ENOX1: variants seen among roughly 807,000 people sequenced by gnomAD.
ENOX1 encodes ecto-NOX disulfide-thiol exchanger 1.
ENOX1 carries 42 observed loss-of-function variants against 82.5 expected under a neutral mutation model. That is an observed-to-expected ratio of 0.51 (90% CI 0.40 to 0.66). The LOEUF is 0.66. ENOX1 is among the 30% of genes least tolerant of loss of function. The pLI is 0.00. For synonymous variants in ENOX1, 271 were observed against 282.2 expected (o/e 0.96, Z 0.40); for missense variants, 608 against 811.6 (o/e 0.75, Z 3.05).
intron 2 of ENOX1, among the ~76,000 whole-genome samples, chr13:43,646,510 A>T (rs527631471): frequency 6.6e-6 from 1 of 152,290 alleles, no homozygotes; most frequent in East Asian, 1.9e-4. Flanking sequence ...CAGCTACTGA[A>T]ATGAAGGAAG....
chr13:43,215,995 G>A (rs2041456277), intron 16 of ENOX1, among the ~76,000 whole-genome samples: 1 of 152,122 alleles, frequency 6.6e-6, no homozygotes. Flanking sequence ...AGGAGATCGA[G>A]GCCATCTTGG....
intron 1 of ENOX1, among the ~76,000 whole-genome samples, chr13:43,758,816 T>C (rs1950799436): frequency 6.6e-6 from 1 of 152,230 alleles, no homozygotes; most frequent in African/African-American, 2.4e-5. Context: ...TACAGTATTC[T>C]TAGTGCATGA....
At chr13:43,655,132 C>G (rs147448766) in intron 2 of ENOX1, among the ~76,000 whole-genome samples, 1 of 152,100 alleles carries the variant, frequency 6.6e-6, no homozygotes, top group Non-Finnish European at 1.5e-5. Context: ...TAATTCCTAC[C>G]GCGCTCCTTA....
At chr13:43,716,100 G>A (rs975508425) in intron 1 of ENOX1, among the ~76,000 whole-genome samples, 10 of 152,216 alleles carry the variant, frequency 6.6e-5, no homozygotes, top group African/African-American at 2.4e-4. Context: ...CGTTGCTGGT[G>A]AGGAGCTGCG....
intron 9 of ENOX1, among the ~76,000 whole-genome samples, chr13:43,339,739 T>C (rs1424137792): frequency 2.6e-5 from 4 of 152,192 alleles, no homozygotes; most frequent in Admixed American, 2.0e-4. Context: ...GGGGCTGCTA[T>C]GGAATAACCA....
In ENOX1 at chr13:43,313,912, C is replaced by A. The variant is rs566927834; in HGVS notation, c.1261+8472G>T. Among the ~76,000 whole-genome samples, 6 of 152,274 alleles carry A rather than the reference C, an allele frequency of 3.9e-5. No individual in the cohort carries two copies. In the South Asian group the frequency reaches 1.2e-3, roughly 32 times the overall value. The stretch of plus-strand genomic sequence containing the variant: ...TGATAATTTAGGTAACTGCTTTGAG[C>A]TGCAATGACCAGCATGCCCCAAGTA... On this transcript the variant is annotated intron_variant, in intron 11 of 16. Coordinates refer to ENST00000690772, the MANE Select transcript of ENOX1 (RefSeq NM_001347969.2).
chr13:43,756,622 T>C (rs544750644), intron 1 of ENOX1, among the ~76,000 whole-genome samples: 4 of 152,190 alleles, frequency 2.6e-5, no homozygotes, highest in South Asian at 4.1e-4. Context: ...GTGTGTCTCA[T>C]TGGACTGGGA....
chr13:43,640,079 A>G (rs1016019360), intron 2 of ENOX1, among the ~76,000 whole-genome samples: 2 of 152,360 alleles, frequency 1.3e-5, no homozygotes, highest in African/African-American at 4.8e-5. Flanking sequence ...ATTATTATAT[A>G]AGAAATACAT....
intron 7 of ENOX1, among the ~76,000 whole-genome samples, chr13:43,357,338 G>A (rs1417944844): frequency 6.6e-6 from 1 of 152,134 alleles, no homozygotes; most frequent in African/African-American, 2.4e-5. Flanking sequence ...TGTAGAGGCT[G>A]GCTCCTCCCC....
chr13:43,221,894 T>G (rs566794754), intron 16 of ENOX1, among the ~76,000 whole-genome samples: 1 of 152,230 alleles, frequency 6.6e-6, no homozygotes, highest in African/African-American at 2.4e-5. Context: ...GCTCTCTGGA[T>G]TAAAAAGTCT....
intron 3 of ENOX1, among the ~76,000 whole-genome samples, chr13:43,430,739 C>T (rs2055605755): frequency 6.6e-6 from 1 of 152,186 alleles, no homozygotes; most frequent in Non-Finnish European, 1.5e-5. Context: ...AAAAACACTA[C>T]AATTTAATAG....
At chr13:43,672,716 G>T (rs1180113169) in intron 1 of ENOX1, among the ~76,000 whole-genome samples, 1 of 152,046 alleles carries the variant, frequency 6.6e-6, no homozygotes, top group African/African-American at 2.4e-5. Context: ...TTAGAGAAAA[G>T]GTAAAATGTT....
intron 11 of ENOX1, among the ~76,000 whole-genome samples, chr13:43,321,772 C>A (rs1488435044): frequency 1.3e-5 from 2 of 152,210 alleles, no homozygotes; most frequent in Non-Finnish European, 2.9e-5. Context: ...TTTTCCCTTG[C>A]CTGTTTTTAC....
At chr13:43,331,186 C>A (rs2048390176) in intron 9 of ENOX1, among the ~76,000 whole-genome samples, 1 of 152,206 alleles carries the variant, frequency 6.6e-6, no homozygotes, top group African/African-American at 2.4e-5. Flanking sequence ...GGCAGGAATG[C>A]ATGGGAGATG....
intron 5 of ENOX1, among the ~76,000 whole-genome samples, chr13:43,397,408 G>A (rs1349721058): frequency 6.6e-6 from 1 of 152,184 alleles, no homozygotes; most frequent in Non-Finnish European, 1.5e-5. Flanking sequence ...CTGTGCATAG[G>A]GTCCCCATGG....
chr13:43,653,591 G>A (rs537248340), intron 2 of ENOX1, among the ~76,000 whole-genome samples: 5 of 145,996 alleles, frequency 3.4e-5, no homozygotes, highest in Non-Finnish European at 7.7e-5. Flanking sequence ...TAACATTAAG[G>A]CTTCAAATTT....
chr13:43,707,758 C>CAAAAAAAA (rs1566805024), intron 1 of ENOX1, among the ~76,000 whole-genome samples: 6 of 40,930 alleles, frequency 1.5e-4, no homozygotes, highest in Non-Finnish European at 2.8e-4. Flanking sequence ...AAAAAAAAAC[C>CAAAAAAAA]AAGAACAAAG....
At chr13:43,700,833 T>C (rs1265570207) in intron 1 of ENOX1, among the ~76,000 whole-genome samples, 1 of 152,166 alleles carries the variant, frequency 6.6e-6, no homozygotes, top group Non-Finnish European at 1.5e-5. Context: ...ACCTCAGCTA[T>C]TCATCATGAT....
At chr13:43,782,715 T>C (rs546527510) in intron 1 of ENOX1, among the ~76,000 whole-genome samples, 34 of 152,332 alleles carry the variant, frequency 2.2e-4, no homozygotes, top group Admixed American at 3.9e-4. Flanking sequence ...TTATTTAAAA[T>C]AGCACACGGA....
Sources: gnomAD v4.1 joint callset for allele counts (sites outside exome capture counted in the v4.1 genomes callset) on GRCh38, gnomAD v4.1.1 for gene constraint, MANE v1.5 for transcripts, NCBI Gene and HGNC (gene_info 2026-07-23, HGNC 2026-07-21) for gene names.